The following CASP10 variants were observed in gnomAD, a reference collection of about 807,000 sequenced individuals.
The protein encoded by CASP10 is caspase 10.
CASP10 carries 41 observed loss-of-function variants against 48.5 expected under a neutral mutation model. The ratio of observed to expected loss-of-function variants is 0.85; its 90% CI spans 0.66 to 1.10. The LOEUF (loss-of-function observed/expected upper bound fraction) is 1.10. Among genes scored for constraint, CASP10 ranks in the 50% least tolerant of loss-of-function variants. The pLI, the probability that CASP10 is intolerant of heterozygous loss-of-function variation, is 0.00. For missense variants in CASP10, 614 were observed against 614.5 expected, an observed-to-expected ratio of 1.00 and a Z score of 0.01; for synonymous variants, 232 against 238.4, an observed-to-expected ratio of 0.97 and a Z score of 0.25.
downstream of CASP10, among the ~76,000 whole-genome samples, chr2:201,223,057 G>C (rs1214346344): frequency 6.6e-6 from 1 of 152,064 alleles, no homozygotes; most frequent in African/African-American, 2.4e-5. Context: ...ATTCTTTTTG[G>C]TGATAATCTT....
intron 5 of CASP10, chr2:201,200,757 G>T: frequency 8.3e-7 from 1 of 1,202,924 alleles, no homozygotes; most frequent in Non-Finnish European, 1.0e-6. Flanking sequence ...TTATTCATTT[G>T]AATTCCCCAT....
intron 1 of CASP10, among the ~76,000 whole-genome samples, chr2:201,183,856 CTTTATTTATTTA>C (rs71022352): frequency 0.044 from 6,574 of 149,424 alleles, 185 homozygotes; most frequent in Middle Eastern, 0.078. Flanking sequence ...GTCTTCCTTC[CTTTATTTATTTA>C]TTTATTTATT....
At chr2:201,203,369 C>T (rs41535449) in intron 5 of CASP10, among the ~76,000 whole-genome samples, 1,666 of 150,700 alleles carry the variant, frequency 0.011, 19 homozygotes, top group South Asian at 0.015. Flanking sequence ...TGCAGTTGCG[C>T]AATCTCGGCC....
intron 3 of CASP10, among the ~76,000 whole-genome samples, chr2:201,190,579 T>A (rs1053082055): frequency 3.3e-5 from 5 of 152,040 alleles, no homozygotes; most frequent in African/African-American, 1.2e-4. Flanking sequence ...CTCTCCCAAG[T>A]TGGGGCATCC....
At chr2:201,206,112 G>C (rs1157399479) in intron 7 of CASP10, 139 bp downstream of exon 7, 1 of 608,354 alleles carries the variant, frequency 1.6e-6, no homozygotes, top group African/African-American at 1.9e-5. Flanking sequence ...GTTTGTTTCA[G>C]ACTTGTTTCT....
intron 9 of CASP10, among the ~76,000 whole-genome samples, chr2:201,215,412 T>C (rs987064795): frequency 1.3e-5 from 2 of 152,118 alleles, no homozygotes; most frequent in Non-Finnish European, 2.9e-5. Flanking sequence ...GTCTTACACA[T>C]TTTGAGTTGG....
rs1944987171 is a variant in CASP10, at chr2:201,200,669, CT to C, written c.685-3058del. 1.0e-5 allele frequency: 14 copies of C among 1,403,370 alleles called. No homozygotes were observed. In the South Asian group the frequency reaches 2.4e-4, roughly 24 times the overall value. The allele number at this position is 1,403,370 out of a possible 1,614,324, so 86.9% of individuals were successfully genotyped here. On this transcript the variant is annotated intron_variant, in intron 5 of 9. Coordinates refer to ENST00000286186, the MANE Select transcript of CASP10 (RefSeq NM_032977.4). ...AGGGAATCTCAGCTTTGGGAGGCCA[CT>C]TTGTAAGTGATCTTAAGAGATTAAG...
chr2:201,225,214 T>C (rs955790736), downstream of CASP10, among the ~76,000 whole-genome samples: 7 of 152,148 alleles, frequency 4.6e-5, no homozygotes, highest in Non-Finnish European at 1.0e-4. Flanking sequence ...CCTCACTCCC[T>C]CTTCATTCAG....
At chr2:201,204,934 G>A (rs540745695) in intron 6 of CASP10, among the ~76,000 whole-genome samples, 66 of 152,332 alleles carry the variant, frequency 4.3e-4, no homozygotes, top group African/African-American at 1.6e-3. Flanking sequence ...GACTTGCTCA[G>A]CCTGAGGACT....
chr2:201,215,246 A>G (rs1402033327), intron 9 of CASP10, among the ~76,000 whole-genome samples: 1 of 130,500 alleles, frequency 7.7e-6, no homozygotes, highest in African/African-American at 3.0e-5. Flanking sequence ...TGCCGTGCAA[A>G]AGGGTTTTAA....
chr2:201,205,726 A>G (rs1056771285), intron 6 of CASP10, among the ~76,000 whole-genome samples, 156 bp from the exon 7 acceptor site: 1 of 152,222 alleles, frequency 6.6e-6, no homozygotes, highest in Non-Finnish European at 1.5e-5. Context: ...GCGAAGACAC[A>G]TCAGTCTCTC....
In CASP10 at chr2:201,218,997, C is replaced by A; in HGVS notation, c.*1256C>A. 1 of 985,012 alleles carries A rather than the reference C, an allele frequency of 1.0e-6. No individual in the cohort carries two copies. Among genetic ancestry groups the A allele is most frequent in the Non-Finnish European group, 1.2e-6 (1 of 829,588 alleles). 61.0% of individuals were successfully genotyped at this position (985,012 alleles called of 1,614,324 possible). On this transcript the variant is annotated 3_prime_UTR_variant, in exon 10 of 10. Transcript: ENST00000286186. ...GTCATATTCCATTTTGGACTGGGTG[C>A]GGTGACTCATGCCTGTAATCCCAGT... is the stretch of plus-strand genomic sequence containing the variant.
intron 1 of CASP10, among the ~76,000 whole-genome samples, chr2:201,184,263 T>C (rs938941801): frequency 6.6e-6 from 1 of 152,150 alleles, no homozygotes; most frequent in Non-Finnish European, 1.5e-5. Flanking sequence ...CCTTCGCTGA[T>C]TTGAGCAACT....
At chr2:201,215,159 G>A (rs1240623453) in intron 9 of CASP10, among the ~76,000 whole-genome samples, 4 of 142,972 alleles carry the variant, frequency 2.8e-5, no homozygotes. Context: ...CTCCTTGTGA[G>A]ATGTATAATT....
In CASP10 at chr2:201,209,170, C is replaced by T. The variant is rs114098515; in HGVS notation, c.1023C>T (p.Cys341=). The change falls in exon 9 of 10, where the codon TGC becomes TGT. Residue 341 remains cysteine (C), a synonymous_variant. Coordinates refer to ENST00000286186, the MANE Select transcript of CASP10 (RefSeq NM_032977.4). ...AGATGGTCCTGCAGAAGCAGAAGTGCAATCCAGCCCATGCCGACGGGGACT... is the reference window on the plus strand; with the variant it reads ...AGATGGTCCTGCAGAAGCAGAAGTGTAATCCAGCCCATGCCGACGGGGACT... The part of the protein sequence containing the change: ...EMEMVLQKQK[C]NPAHADGDCF... 27 of 1,612,072 alleles carry T rather than the reference C, an allele frequency of 1.7e-5. No individual in the cohort carries two copies. In the East Asian group the frequency reaches 5.8e-4, roughly 35 times the overall value.
At chr2:201,202,893 C>G (rs150428417) in intron 5 of CASP10, among the ~76,000 whole-genome samples, 1,690 of 152,088 alleles carry the variant, frequency 0.011, 20 homozygotes, top group South Asian at 0.016. Context: ...TAATGTATGC[C>G]CAAGGTAGTG....
chr2:201,227,625 C>T (rs1945804897), intron 9 of CASP10, among the ~76,000 whole-genome samples: 1 of 152,054 alleles, frequency 6.6e-6, no homozygotes, highest in African/African-American at 2.4e-5. Context: ...GGCACGATCT[C>T]GGCTCACTGC....
In CASP10 at chr2:201,189,641, T is replaced by C. The variant is rs187893575; in HGVS notation, c.441+1842T>C. Among the ~76,000 whole-genome samples, 375 of 152,256 alleles carry C rather than the reference T, an allele frequency of 2.5e-3. 1 individual carries two copies. The highest frequency in any genetic ancestry group is 4.5e-3 in the Non-Finnish European group (309 of 68,022). On this transcript the variant is annotated intron_variant, in intron 3 of 9. Transcript: ENST00000286186. ...ACCCATTACAAAATATATATAAATT[T>C]AAACTCATGGATTTAAACATATGTG...
In CASP10 at chr2:201,219,429, A is replaced by G. The variant is rs41515650; in HGVS notation, c.*1688A>G. 390 of 985,440 alleles carry G rather than the reference A, an allele frequency of 4.0e-4. 3 individuals are homozygous for G. In the African/African-American group the frequency reaches 6.2e-3, roughly 16 times the overall value. 61.0% of individuals were successfully genotyped at this position (985,440 alleles called of 1,614,324 possible). A position where few individuals can be genotyped will look rare whatever the true frequency, so the allele number is the denominator to read the frequency against. On this transcript the variant is annotated 3_prime_UTR_variant, in exon 10 of 10. Coordinates refer to ENST00000286186, the MANE Select transcript of CASP10 (RefSeq NM_032977.4). Reference sequence around the variant, plus strand: ...CAGGCAAAGCTTGAATCAGGACTCAATCTACAGGCCAGCACCTTTCTCTTG... The same window carrying G: ...CAGGCAAAGCTTGAATCAGGACTCAGTCTACAGGCCAGCACCTTTCTCTTG...
Sources: allele counts gnomAD v4.1 joint callset (sites outside exome capture counted in the v4.1 genomes callset), GRCh38; gene constraint gnomAD v4.1.1; transcripts MANE v1.5; gene names NCBI Gene and HGNC (gene_info 2026-07-23, HGNC 2026-07-21).